Variants in ARMC8 observed in about 807,000 individuals in gnomAD.
ARMC8 encodes the protein armadillo repeat containing 8, also known as armadillo repeat-containing protein 8.
Under a neutral mutation model 99.3 loss-of-function variants are expected in ARMC8, and 20 were observed. The observed-to-expected ratio is 0.20, with a 90% CI of 0.14 to 0.29. ARMC8 has a LOEUF of 0.29. Ranked by LOEUF, ARMC8 falls within the 10% of genes least tolerant of loss-of-function variation. The pLI, the probability that ARMC8 is intolerant of heterozygous loss-of-function variation, is 1.00. For synonymous variants in ARMC8, 263 were observed against 278.3 expected (o/e 0.95, Z 0.55); for missense variants, 569 against 809.5 (o/e 0.70, Z 3.60).
chr3:138,258,696 C>T (rs1425309082), intron 12 of ARMC8, among the ~76,000 whole-genome samples: 7 of 152,302 alleles, frequency 4.6e-5, no homozygotes, highest in Non-Finnish European at 1.0e-4. Flanking sequence ...GAGACAGTTT[C>T]GCAAAAGCAT....
At chr3:138,271,784 TTTTTTTTTTCTTTC>T (rs1291303589) in intron 16 of ARMC8, among the ~76,000 whole-genome samples, 1 of 148,634 alleles carries the variant, frequency 6.7e-6, no homozygotes, top group Non-Finnish European at 1.5e-5. Context: ...GTTCACAAGA[TTTTTTTTTTCTTTC>T]TTTTTTTTTT....
In ARMC8 at chr3:138,263,786, T is replaced by C; in HGVS notation, c.1182T>C (p.Ser394=). 1 of 1,614,044 alleles carries C rather than the reference T, an allele frequency of 6.2e-7. No homozygotes were observed. The stretch of plus-strand genomic sequence containing the variant: ...TGGACCGAATTGTGACTGGCTTGTC[T>C]GAGTCTAGTGTCAAGGTGCGGTTAG... ...NMMDRIVTGL[S]ESSVKVRLAA... Residue 394 remains serine (S), a synonymous_variant, in exon 13 of 22, where the codon TCT becomes TCC. Coordinates refer to ENST00000469044, the MANE Select transcript of ARMC8 (RefSeq NM_001363941.2).
At chr3:138,217,747 G>A (rs1369812098) in intron 2 of ARMC8, among the ~76,000 whole-genome samples, 3 of 148,330 alleles carry the variant, frequency 2.0e-5, no homozygotes, top group East Asian at 1.9e-4. Context: ...CCAAAAGTGG[G>A]ATATCCCCAA....
chr3:138,192,642 C>G (rs2043459821), intron 1 of ARMC8, among the ~76,000 whole-genome samples: 1 of 152,106 alleles, frequency 6.6e-6, no homozygotes, highest in Non-Finnish European at 1.5e-5. Flanking sequence ...CCTCTGTCTC[C>G]TGGGCTCAAG....
chr3:138,235,076 C>G lies in ARMC8; in HGVS notation c.571C>G (p.Gln191Glu), dbSNP rs778025368. The change falls in exon 7 of 22, where the codon CAG becomes GAG. Residue 191 changes from glutamine to glutamate, a missense_variant. Gln to Glu is a conservative substitution (Grantham distance 29). Around this residue, in one of 2 missense-constraint regions of ARMC8, gnomAD observed 342 missense variants for 391.6 expected, o/e 0.87. Coordinates refer to ENST00000469044, the MANE Select transcript of ARMC8 (RefSeq NM_001363941.2). The stretch of plus-strand genomic sequence containing the variant: ...AATTTTATTTAACCACGGTGCAGTT[C>G]AGAATATTGCTCACCTACTAACCTC... Reference protein sequence around the residue: ...QTILFNHGAVQNIAHLLTSLS... With the variant: ...QTILFNHGAVENIAHLLTSLS... 3 of 1,613,690 alleles carry G rather than the reference C, an allele frequency of 1.9e-6. No individual in the cohort carries two copies. The highest frequency in any genetic ancestry group is 2.5e-6 in the Non-Finnish European group (3 of 1,179,906).
intron 1 of ARMC8, 152 bp downstream of exon 1, chr3:138,187,751 G>T: frequency 1.2e-6 from 1 of 847,678 alleles, no homozygotes; most frequent in Non-Finnish European, 1.8e-6. Flanking sequence ...GGGTGGAGAG[G>T]CGGGATAGAC....
intron 19 of ARMC8, among the ~76,000 whole-genome samples, chr3:138,288,578 A>G (rs1268611680): frequency 2.0e-5 from 3 of 149,826 alleles, no homozygotes; most frequent in Non-Finnish European, 2.9e-5. Flanking sequence ...CCTTCTACTC[A>G]TTAGTGTTAA....
At chr3:138,236,916 T>C (rs1272370025) in intron 7 of ARMC8, among the ~76,000 whole-genome samples, 1 of 152,232 alleles carries the variant, frequency 6.6e-6, no homozygotes. Flanking sequence ...TTGTTTCCTC[T>C]CCTTCTGTTC....
chr3:138,274,046 G>T (rs2049032365), intron 17 of ARMC8, among the ~76,000 whole-genome samples: 1 of 152,130 alleles, frequency 6.6e-6, no homozygotes, highest in South Asian at 2.1e-4. Flanking sequence ...TCGAACTCCT[G>T]CCCTCAGGTG....
intron 14 of ARMC8, among the ~76,000 whole-genome samples, chr3:138,265,707 ACCTTTATGACT>A (rs1475953307): frequency 2.0e-5 from 3 of 152,002 alleles, no homozygotes; most frequent in Non-Finnish European, 4.4e-5. Context: ...CGGCAAGTAT[ACCTTTATGACT>A]CTAGTGGAGC....
intron 18 of ARMC8, among the ~76,000 whole-genome samples, chr3:138,275,210 G>A (rs757065273): frequency 6.6e-6 from 1 of 152,158 alleles, no homozygotes; most frequent in South Asian, 2.1e-4. Context: ...AGATACTGGC[G>A]ATCTTCAGTT....
intron 2 of ARMC8, among the ~76,000 whole-genome samples, chr3:138,217,627 T>C (rs1233724132): frequency 6.6e-6 from 1 of 152,186 alleles, no homozygotes; most frequent in Non-Finnish European, 1.5e-5. Flanking sequence ...GCTTATCAAG[T>C]CCATTTATTA....
In ARMC8 at chr3:138,223,379, T is replaced by G. The variant is rs2045511245; in HGVS notation, c.195-10T>G. On this transcript the variant is annotated splice_polypyrimidine_tract_variant and intron_variant, in intron 3 of 21. Transcript: ENST00000469044. ...TTAGTCTCTTCGTTTATTAAGTTCC[T>G]TCTTTTTAGATTGTTGTACTTGCTT... 1 of 1,611,836 alleles carries G rather than the reference T, an allele frequency of 6.2e-7. No homozygotes were observed.
intron 1 of ARMC8, among the ~76,000 whole-genome samples, chr3:138,197,147 A>G (rs1344144179): frequency 2.6e-5 from 4 of 152,192 alleles, no homozygotes. Context: ...AGTGGAATAG[A>G]CAGATTCGAA....
At chr3:138,262,507 T>G in intron 12 of ARMC8, 1 of 1,603,734 alleles carries the variant, frequency 6.2e-7, no homozygotes, top group Non-Finnish European at 8.5e-7. Flanking sequence ...CACTCTCTCA[T>G]GTTCTAAGGT....
chr3:138,288,937 C>G, intron 19 of ARMC8, 111 bp from the exon 20 acceptor site: 3 of 831,426 alleles, frequency 3.6e-6, no homozygotes, highest in Non-Finnish European at 3.8e-6. Context: ...TCACCTGGCC[C>G]TGCTTCAGAC....
intron 12 of ARMC8, among the ~76,000 whole-genome samples, chr3:138,256,402 CTTTTTTTTTTTT>C (rs71146121): frequency 4.4e-5 from 4 of 90,302 alleles, no homozygotes; most frequent in East Asian, 3.3e-4. Flanking sequence ...TTTCCTCCTT[CTTTTTTTTTTTT>C]TTTTTTTTTT....
chr3:138,188,379 T>A, intron 1 of ARMC8: 1 of 567,392 alleles, frequency 1.8e-6, no homozygotes, highest in Non-Finnish European at 2.5e-6. Context: ...GTAAAACCTG[T>A]TTTTTTTTTT....
At chr3:138,188,350 C>A (rs1469293322) in intron 1 of ARMC8, 2 of 1,356,064 alleles carry the variant, frequency 1.5e-6, no homozygotes, top group Non-Finnish European at 1.9e-6. Context: ...AAGAAGGGAA[C>A]GTATTGACAT....
Sources: gnomAD v4.1 joint callset for allele counts (sites outside exome capture counted in the v4.1 genomes callset) on GRCh38, gnomAD v4.1.1 for gene constraint, gnomAD v4.1.1 regional missense constraint, MANE v1.5 for transcripts, NCBI Gene and HGNC (gene_info 2026-07-23, HGNC 2026-07-21) for gene names.